The following TUB variants were observed in gnomAD, a reference collection of about 807,000 sequenced individuals.
The protein encoded by TUB is tubby protein homolog.
Under a neutral mutation model 59.7 loss-of-function variants are expected in TUB, and 33 were observed. The observed-to-expected ratio is 0.55, with a 90% confidence interval of 0.42 to 0.74. TUB has a LOEUF of 0.74. TUB is among the 30% of genes least tolerant of loss of function. The pLI is 0.00. For synonymous variants in TUB, 293 were observed against 256.4 expected (o/e 1.14, Z -1.36); for missense variants, 659 against 672.0 (o/e 0.98, Z 0.21).
chr11:8,033,064 A>G (rs1264928675), intron 1 of TUB, among the ~76,000 whole-genome samples: 1 of 152,084 alleles, frequency 6.6e-6, no homozygotes, highest in African/African-American at 2.4e-5. Context: ...TGCCGAACAG[A>G]TAATTAGAGG....
At chr11:8,022,535 G>A (rs1338736779) in intron 1 of TUB, among the ~76,000 whole-genome samples, 1 of 152,194 alleles carries the variant, frequency 6.6e-6, no homozygotes, top group Admixed American at 6.5e-5. Flanking sequence ...TCTGGGCCAT[G>A]TGCATGTCAG....
intron 2 of TUB, among the ~76,000 whole-genome samples, chr11:8,046,621 C>G (rs1427154349): frequency 1.3e-5 from 2 of 152,228 alleles, no homozygotes; most frequent in Admixed American, 6.5e-5. Context: ...TCTTTTCTCT[C>G]TGACCACCAG....
chr11:8,075,559 T>C (rs1022679403), intron 2 of TUB: 1 of 152,216 alleles, frequency 6.6e-6, no homozygotes, highest in Admixed American at 6.5e-5. Context: ...TAAAGCAAAC[T>C]TTATTTTTGT....
At chr11:8,038,407 A>G (rs776761431), upstream of TUB, among the ~76,000 whole-genome samples, 1 of 152,156 alleles carries the variant, frequency 6.6e-6, no homozygotes, top group Non-Finnish European at 1.5e-5. Context: ...AGAAGGCACG[A>G]TGTGTGCCCC....
chr11:8,039,368 C>T (rs1942704684), intron 1 of TUB: 1 of 448,026 alleles, frequency 2.2e-6, no homozygotes, highest in South Asian at 4.8e-5. Context: ...CCAGCTTCTG[C>T]CTGTCTCCCC....
intron 1 of TUB, among the ~76,000 whole-genome samples, chr11:8,022,164 C>G (rs977569456): frequency 1.3e-5 from 2 of 152,174 alleles, no homozygotes; most frequent in African/African-American, 4.8e-5. Context: ...GGTTTGTCTA[C>G]TCTCCAAAAG....
intron 1 of TUB, 95 bp downstream of exon 1, chr11:8,081,643 C>A: frequency 7.6e-7 from 1 of 1,314,938 alleles, no homozygotes; most frequent in Non-Finnish European, 9.9e-7. Context: ...CCGCTGCCCT[C>A]CCCACCTATC....
chr11:8,100,609 T>A lies in TUB; in HGVS notation c.1215+8T>A, dbSNP rs777605808. ...TCTATCCGCCCCCGCAACGTGAGTG[T>A]CTACCCCTTCCTCCCCTCTTTCCCC... On this transcript the variant is annotated splice_region_variant and intron_variant, in intron 10 of 11. Transcript: ENST00000299506. 1.9e-6 allele frequency: 3 copies of A among 1,612,464 alleles called. No homozygotes were observed. Among genetic ancestry groups the A allele is most frequent in the Non-Finnish European group, 2.5e-6 (3 of 1,178,660 alleles).
intron 1 of TUB, among the ~76,000 whole-genome samples, chr11:8,086,351 G>A (rs1943665751): frequency 6.6e-6 from 1 of 152,178 alleles, no homozygotes; most frequent in Non-Finnish European, 1.5e-5. Flanking sequence ...GTGCTGGGGT[G>A]GAGATGAGGA....
chr11:8,039,751 G>C, intron 2 of TUB: 1 of 1,400,930 alleles, frequency 7.1e-7, no homozygotes. Flanking sequence ...ACAGGAGACT[G>C]TGAGGGAGGT....
intron 1 of TUB, among the ~76,000 whole-genome samples, chr11:8,030,709 G>A (rs1217646421): frequency 6.6e-6 from 1 of 152,176 alleles, no homozygotes; most frequent in Non-Finnish European, 1.5e-5. Flanking sequence ...GTGTCAGAAT[G>A]AGGAGCACAG....
At chr11:8,022,876 CA>C (rs1178393966) in intron 1 of TUB, among the ~76,000 whole-genome samples, 1 of 152,162 alleles carries the variant, frequency 6.6e-6, no homozygotes, top group African/African-American at 2.4e-5. Flanking sequence ...GCCTGGCCGA[CA>C]GAGCAAGACT....
chr11:8,088,681 T>C (rs552869164), intron 1 of TUB, among the ~76,000 whole-genome samples: 2 of 152,364 alleles, frequency 1.3e-5, no homozygotes, highest in African/African-American at 4.8e-5. Context: ...CTCATGCAGC[T>C]GTCCACACCT....
chr11:8,040,103 C>A (rs1942722604), intron 2 of TUB, among the ~76,000 whole-genome samples: 1 of 152,186 alleles, frequency 6.6e-6, no homozygotes, highest in South Asian at 2.1e-4. Flanking sequence ...AGCCTCCAGC[C>A]CCCCTGCCCT....
intron 2 of TUB, 88 bp from the exon 3 acceptor site, chr11:8,089,981 C>A: frequency 6.8e-7 from 1 of 1,462,984 alleles, no homozygotes; most frequent in Non-Finnish European, 9.1e-7. Flanking sequence ...GGGGCCTTGG[C>A]CCAAGGTGGG....
chr11:8,096,390 G>T (rs1378840907), intron 5 of TUB, among the ~76,000 whole-genome samples: 1 of 152,202 alleles, frequency 6.6e-6, no homozygotes, highest in African/African-American at 2.4e-5. Context: ...TGGCTGCTAG[G>T]TAGTGGGGTA....
At chr11:8,079,702 ATG>A (rs1237386967), upstream of TUB, among the ~76,000 whole-genome samples, 7 of 100,328 alleles carry the variant, frequency 7.0e-5, no homozygotes, top group South Asian at 2.6e-3. Flanking sequence ...GTGTGTGTGC[ATG>A]TGTGTAGGGG....
chr11:8,052,948 G>A, intron 2 of TUB, among the ~76,000 whole-genome samples: 1 of 152,108 alleles, frequency 6.6e-6, no homozygotes, highest in African/African-American at 2.4e-5. Context: ...TGCAAATAAT[G>A]ATCAGTTTAT....
At position 8,089,616 on chromosome 11, in the gene TUB, AGAT is replaced by A; in HGVS notation, c.51_53del (p.Asp17del). The A allele has an allele frequency of 6.2e-7, 1 of 1,614,190 alleles. No homozygotes were observed. Among genetic ancestry groups the A allele is most frequent in the Non-Finnish European group, 8.5e-7 (1 of 1,180,026 alleles). On this transcript the variant is annotated inframe_deletion, in exon 2 of 12. Coordinates refer to ENST00000299506, the MANE Select transcript of TUB (RefSeq NM_177972.3). ...CCCCTCTTTCGCTCTGCAGTGTCTT[AGAT>A]GATGAGGGCAGAAACCTGAGGCAGC...
Sources: gnomAD v4.1 joint callset for allele counts (sites outside exome capture counted in the v4.1 genomes callset) on GRCh38, gnomAD v4.1.1 for gene constraint, MANE v1.5 for transcripts, NCBI Gene and HGNC (gene_info 2026-07-23, HGNC 2026-07-21) for gene names.